The following NCK2 variants were observed in gnomAD, a reference collection of about 807,000 sequenced individuals.
NCK2 encodes cytoplasmic protein NCK2.
NCK2 carries 16 observed loss-of-function variants against 33.9 expected under a neutral mutation model. The observed-to-expected ratio is 0.47, with a 90% CI of 0.32 to 0.72. The LOEUF (loss-of-function observed/expected upper bound fraction) is 0.72, where lower values mean the gene tolerates loss of function less well. Among genes scored for constraint, NCK2 ranks in the 30% least tolerant of loss-of-function variants. NCK2 has a pLI of 0.03. For missense variants in NCK2, 418 were observed against 537.3 expected, an observed-to-expected ratio of 0.78 and a Z score of 2.19; for synonymous variants, 273 against 239.9, an observed-to-expected ratio of 1.14 and a Z score of -1.27.
At chr2:105,843,999 A>G (rs1676749447) in intron 2 of NCK2, among the ~76,000 whole-genome samples, 1 of 151,942 alleles carries the variant, frequency 6.6e-6, no homozygotes. Context: ...AGCCATGTTG[A>G]CCTTTGATAT....
intron 1 of NCK2, among the ~76,000 whole-genome samples, chr2:105,770,537 T>G (rs1389017586): frequency 6.6e-6 from 1 of 152,224 alleles, no homozygotes; most frequent in Non-Finnish European, 1.5e-5. Context: ...AATCATTTTC[T>G]TAGAAGTAGA....
At position 105,885,629 on chromosome 2, in the gene NCK2, C is replaced by T. The variant is rs577221296; in HGVS notation, c.948+3580C>T. On this transcript the variant is annotated intron_variant, in intron 4 of 4. Transcript: ENST00000233154. Reference sequence around the variant, plus strand: ...GGTACTGATTCAGGAGGTCTGGGGCCCAAGAATTTGCATTTCTATTAATAG... The same window carrying T: ...GGTACTGATTCAGGAGGTCTGGGGCTCAAGAATTTGCATTTCTATTAATAG... Among the ~76,000 whole-genome samples the T allele has an allele frequency of 2.0e-5, 3 of 151,280 alleles. 1 individual carries two copies. The South Asian group carries it at 6.3e-4, about 32-fold the overall frequency.
chr2:105,763,312 G>A (rs565360211), intron 1 of NCK2, among the ~76,000 whole-genome samples: 6 of 152,270 alleles, frequency 3.9e-5, no homozygotes, highest in South Asian at 2.1e-4. Flanking sequence ...TCTGATGACC[G>A]AGCTGCTGGG....
intron 3 of NCK2, among the ~76,000 whole-genome samples, chr2:105,857,721 A>G (rs1192808965): frequency 6.6e-6 from 1 of 152,226 alleles, no homozygotes; most frequent in Non-Finnish European, 1.5e-5. Flanking sequence ...TATCCCCGTC[A>G]TGAGGGAGAA....
Position 105,881,862 on chromosome 2 carries a change from T to A in NCK2, c.761T>A (p.Val254Asp). The change falls in exon 4 of 5, where the codon GTC becomes GAC. Residue 254 changes from valine to aspartate, a missense_variant. Coordinates refer to ENST00000233154, the MANE Select transcript of NCK2 (RefSeq NM_003581.5). ...VGLVPKNYVV[V>D]LSDGPALHPA... ...CTCGTCCCCAAAAACTACGTGGTGG[T>A]CCTCAGTGACGGGCCTGCCCTGCAC... 5 of 1,590,010 alleles carry A rather than the reference T, an allele frequency of 3.1e-6. No homozygotes were observed. The highest frequency in any genetic ancestry group is 4.3e-6 in the Non-Finnish European group (5 of 1,167,348).
intron 1 of NCK2, among the ~76,000 whole-genome samples, chr2:105,755,441 C>T (rs1247857709): frequency 6.6e-6 from 1 of 152,174 alleles, no homozygotes. Context: ...CATCCCTCAG[C>T]CATCCCAGTG....
intron 1 of NCK2, among the ~76,000 whole-genome samples, chr2:105,801,761 G>T (rs1301407379): frequency 6.6e-6 from 1 of 151,994 alleles, no homozygotes; most frequent in African/African-American, 2.4e-5. Context: ...TCATTTTCGT[G>T]TCCACTCGGG....
chr2:105,815,675 G>C (rs553321809), intron 1 of NCK2, among the ~76,000 whole-genome samples: 2 of 152,292 alleles, frequency 1.3e-5, no homozygotes, highest in East Asian at 3.9e-4. Flanking sequence ...TGGAGTGTTC[G>C]TCTCAGAAGT....
At chr2:105,776,937 A>G (rs73946293) in intron 1 of NCK2, among the ~76,000 whole-genome samples, 1,886 of 151,466 alleles carry the variant, frequency 0.012, 39 homozygotes, top group African/African-American at 0.043. Context: ...GGGGTTTCAT[A>G]TAGGCAGAAT....
At chr2:105,787,089 C>T (rs976522925) in intron 1 of NCK2, among the ~76,000 whole-genome samples, 2 of 152,234 alleles carry the variant, frequency 1.3e-5, no homozygotes, top group Non-Finnish European at 2.9e-5. Context: ...CCGCTGCAGG[C>T]GTGGTGGCAC....
At chr2:105,793,757 T>G (rs1223495472) in intron 1 of NCK2, among the ~76,000 whole-genome samples, 1 of 152,234 alleles carries the variant, frequency 6.6e-6, no homozygotes, top group Non-Finnish European at 1.5e-5. Context: ...TCGTGTTCTC[T>G]TGCCACGTGC....
chr2:105,752,374 A>G (rs1689480284), intron 1 of NCK2, among the ~76,000 whole-genome samples: 1 of 150,012 alleles, frequency 6.7e-6, no homozygotes, highest in Non-Finnish European at 1.5e-5. Context: ...GAGCACTAAA[A>G]TCAGATTCAG....
chr2:105,749,599 T>C lies in NCK2; in HGVS notation c.-201+4461T>C, dbSNP rs143080277. Among the ~76,000 whole-genome samples the C allele has an allele frequency of 3.2e-3, 480 of 152,180 alleles. 2 individuals carry two copies. The highest frequency in any genetic ancestry group is 5.4e-3 in the Non-Finnish European group (370 of 68,012). On this transcript the variant is annotated intron_variant, in intron 1 of 4. Transcript: ENST00000233154. ...AACACCAACGTGTTGCTGGGTAGAG[T>C]TGTTTTTTTGTGAGGCAGTTTACAG...
chr2:105,812,018 A>G (rs1402470909), intron 1 of NCK2, among the ~76,000 whole-genome samples: 1 of 152,214 alleles, frequency 6.6e-6, no homozygotes, highest in African/African-American at 2.4e-5. Context: ...CTAGAGAATT[A>G]GAAATTAGTT....
chr2:105,788,365 A>G (rs1690754596), intron 1 of NCK2, among the ~76,000 whole-genome samples: 2 of 152,152 alleles, frequency 1.3e-5, no homozygotes, highest in Non-Finnish European at 2.9e-5. Flanking sequence ...ATTTCTATCA[A>G]CGCCATTTAG....
chr2:105,882,261 A>G (rs1678537328), intron 4 of NCK2, among the ~76,000 whole-genome samples: 1 of 152,222 alleles, frequency 6.6e-6, no homozygotes, highest in South Asian at 2.1e-4. Flanking sequence ...TGGGAGATTA[A>G]CTAAAAAGAT....
At chr2:105,880,956 T>A (rs1250572078) in intron 3 of NCK2, among the ~76,000 whole-genome samples, 1 of 67,958 alleles carries the variant, frequency 1.5e-5, no homozygotes, top group Non-Finnish European at 3.0e-5. Flanking sequence ...TTTTTTTTTT[T>A]TTTTTTTTTT....
At chr2:105,826,446 G>A (rs1170369273) in intron 2 of NCK2, among the ~76,000 whole-genome samples, 1 of 152,172 alleles carries the variant, frequency 6.6e-6, no homozygotes, top group East Asian at 1.9e-4. Context: ...TAGTTTGCTT[G>A]TAGTGTGGAT....
At chr2:105,863,484 A>G (rs1677627358) in intron 3 of NCK2, among the ~76,000 whole-genome samples, 1 of 152,140 alleles carries the variant, frequency 6.6e-6, no homozygotes, top group African/African-American at 2.4e-5. Context: ...AGCAACCCCA[A>G]CAGTGTAATA....
Sources: gnomAD v4.1 joint callset for allele counts (sites outside exome capture counted in the v4.1 genomes callset) on GRCh38, gnomAD v4.1.1 for gene constraint, MANE v1.5 for transcripts, NCBI Gene and HGNC (gene_info 2026-07-23, HGNC 2026-07-21) for gene names.